Variants in FAM184A observed in about 807,000 individuals in gnomAD.
The protein encoded by FAM184A is protein FAM184A.
Under a neutral mutation model 143.8 loss-of-function variants are expected in FAM184A, and 99 were observed. That is an observed-to-expected ratio of 0.69 (90% CI 0.58 to 0.81). The LOEUF (loss-of-function observed/expected upper bound fraction) is 0.81. Ranked by LOEUF, FAM184A falls within the 40% of genes least tolerant of loss-of-function variation. The probability of loss-of-function intolerance (pLI) is 0.00; values close to 1 mark genes in which losing one functional copy is unlikely to be tolerated. For synonymous variants in FAM184A, 427 were observed against 446.4 expected (o/e 0.96, Z 0.55); for missense variants, 1,217 against 1,310.5 (o/e 0.93, Z 1.10).
intron 5 of FAM184A, 56 bp downstream of exon 5, chr6:119,016,691 C>T (rs555493751): frequency 2.0e-6 from 3 of 1,472,332 alleles, no homozygotes; most frequent in East Asian, 2.3e-5. Flanking sequence ...TCCGGACACA[C>T]TACTACAGAA....
chr6:119,050,982 G>T lies in FAM184A; in HGVS notation c.160-26169C>A, dbSNP rs182398212. Reference sequence around the variant, plus strand: ...ATGAACACAAAGAAGGGAACGCTGGGGCCTACCTGAGAGTGGAGGGTGGGA... The same window carrying T: ...ATGAACACAAAGAAGGGAACGCTGGTGCCTACCTGAGAGTGGAGGGTGGGA... On this transcript the variant is annotated intron_variant, in intron 1 of 17. Coordinates refer to ENST00000338891, the MANE Select transcript of FAM184A (RefSeq NM_024581.6). Among the ~76,000 whole-genome samples the T allele has an allele frequency of 5.6e-3, 850 of 152,182 alleles. 4 individuals are homozygous for T. The highest frequency in any genetic ancestry group is 7.6e-3 in the Non-Finnish European group (514 of 67,990).
chr6:119,058,252 T>C (rs1204733454), intron 1 of FAM184A, among the ~76,000 whole-genome samples: 1 of 148,574 alleles, frequency 6.7e-6, no homozygotes, highest in Non-Finnish European at 1.5e-5. Flanking sequence ...GGCGTGATCT[T>C]GGCTCACTGC....
chr6:118,997,878 A>G (rs144664373), intron 9 of FAM184A, among the ~76,000 whole-genome samples: 3 of 152,310 alleles, frequency 2.0e-5, no homozygotes, highest in African/African-American at 7.2e-5. Context: ...AAGAAAGGAT[A>G]CTTACTATCA....
chr6:119,040,774 A>T (rs1265334349), intron 1 of FAM184A, among the ~76,000 whole-genome samples: 1 of 152,094 alleles, frequency 6.6e-6, no homozygotes, highest in Non-Finnish European at 1.5e-5. Context: ...CTGCTTGTCC[A>T]CCTGCACAGA....
At chr6:118,986,523 T>C (rs1784201765) in intron 9 of FAM184A, among the ~76,000 whole-genome samples, 1 of 152,202 alleles carries the variant, frequency 6.6e-6, no homozygotes, top group African/African-American at 2.4e-5. Flanking sequence ...CATGTTTTGC[T>C]GTGGATGATG....
At chr6:119,047,287 T>C (rs1396129233) in intron 1 of FAM184A, among the ~76,000 whole-genome samples, 5 of 152,172 alleles carry the variant, frequency 3.3e-5, no homozygotes, top group Non-Finnish European at 7.4e-5. Context: ...GATGGGAATG[T>C]AAATGAGTAC....
chr6:119,081,717 G>C (rs1364528700), upstream of FAM184A, among the ~76,000 whole-genome samples: 7 of 152,212 alleles, frequency 4.6e-5, no homozygotes, highest in Non-Finnish European at 7.3e-5. Flanking sequence ...TTCCCCTGGA[G>C]TTGGGCCACT....
rs2114581554 is a variant in FAM184A, at chr6:118,980,168, A to G, written c.2271T>C (p.Thr757=). The G allele has an allele frequency of 1.2e-6, 2 of 1,614,118 alleles. No homozygotes were observed. Among genetic ancestry groups the G allele is most frequent in the African/African-American group, 2.7e-5 (2 of 75,046 alleles). The change falls in exon 10 of 18, where the codon ACT becomes ACC. Residue 757 remains threonine, a synonymous_variant. Coordinates refer to ENST00000338891, the MANE Select transcript of FAM184A (RefSeq NM_024581.6). ...LKEAHVLAFQ[T]MEEEKEKEQR... is the part of the protein sequence containing the mutation. ...GCTCCTTTTCCTTTTCCTCTTCCAT[A>G]GTTTGAAATGCAAGGACATGTGCTT...
intron 4 of FAM184A, among the ~76,000 whole-genome samples, chr6:119,018,201 T>C (rs1785329792): frequency 6.6e-6 from 1 of 152,110 alleles, no homozygotes; most frequent in African/African-American, 2.4e-5. Context: ...CGTGTGCATG[T>C]GTGTGTGTGT....
At position 118,960,044 on chromosome 6, in the gene FAM184A, T is replaced by G; in HGVS notation, c.*59A>C. 3.0e-6 allele frequency: 4 copies of G among 1,352,382 alleles called. No homozygotes were observed. The highest frequency in any genetic ancestry group is 4.1e-6 in the Non-Finnish European group (4 of 968,226). The allele number at this position is 1,352,382 out of a possible 1,614,324, so 83.8% of individuals were successfully genotyped here. A position where few individuals can be genotyped will look rare whatever the true frequency, so the allele number is the denominator to read the frequency against. ...ATAGGAAAGCCTATTTACATAACAA[T>G]CTGTATAAAGTCATGCTCTTAGTAA... On this transcript the variant is annotated 3_prime_UTR_variant, in exon 18 of 18. Transcript: ENST00000338891.
At chr6:118,994,818 C>G (rs1279065232) in intron 9 of FAM184A, among the ~76,000 whole-genome samples, 1 of 152,138 alleles carries the variant, frequency 6.6e-6, no homozygotes, top group African/African-American at 2.4e-5. Flanking sequence ...ACCCAGAAGA[C>G]TAATTATAAT....
At chr6:118,994,252 T>C (rs1784470381) in intron 9 of FAM184A, among the ~76,000 whole-genome samples, 1 of 152,118 alleles carries the variant, frequency 6.6e-6, no homozygotes, top group African/African-American at 2.4e-5. Context: ...GGCACTTCAT[T>C]TTGACTGAAT....
At chr6:118,997,201 G>C (rs1285297875) in intron 9 of FAM184A, among the ~76,000 whole-genome samples, 1 of 150,910 alleles carries the variant, frequency 6.6e-6, no homozygotes, top group Admixed American at 6.6e-5. Context: ...GGGAGTTCAA[G>C]AACAGCCTGG....
At chr6:118,981,507 T>C (rs1357807374) in intron 9 of FAM184A, among the ~76,000 whole-genome samples, 2 of 152,256 alleles carry the variant, frequency 1.3e-5, no homozygotes, top group South Asian at 2.1e-4. Flanking sequence ...TTTTAATTGA[T>C]GGAAGGCAGA....
At chr6:119,138,568 C>T (rs1772099578) in intron 1 of FAM184A, among the ~76,000 whole-genome samples, 2 of 152,110 alleles carry the variant, frequency 1.3e-5, no homozygotes, top group East Asian at 1.9e-4. Context: ...CACTCTGACA[C>T]ACTCTCTCCT....
chr6:119,118,038 G>A (rs1009460389), intron 1 of FAM184A, among the ~76,000 whole-genome samples: 7 of 152,176 alleles, frequency 4.6e-5, no homozygotes, highest in South Asian at 4.1e-4. Flanking sequence ...AGATTTTAAG[G>A]CAGAAACTTT....
chr6:119,001,870 G>A (rs1034607728), intron 9 of FAM184A, among the ~76,000 whole-genome samples: 1 of 152,152 alleles, frequency 6.6e-6, no homozygotes, highest in Non-Finnish European at 1.5e-5. Flanking sequence ...TAAAAGGAAT[G>A]TAAAATAAGT....
In FAM184A at chr6:118,975,907, TCTTA is replaced by T. The variant is rs1236185640; in HGVS notation, c.2583+6_2583+9del. 1.9e-6 allele frequency: 3 copies of T among 1,610,096 alleles called. No individual in the cohort carries two copies. Among genetic ancestry groups the T allele is most frequent in the Non-Finnish European group, 2.5e-6 (3 of 1,178,920 alleles). ...AAGAAATCATCAGAGTACAGAATAC[TCTTA>T]CTTACCTGTCTTCTGCTGATGTCTA... On this transcript the variant is annotated splice_donor_region_variant and intron_variant, in intron 12 of 17. Transcript: ENST00000338891.
At chr6:119,038,745 T>C (rs1221121984) in intron 1 of FAM184A, among the ~76,000 whole-genome samples, 1 of 152,174 alleles carries the variant, frequency 6.6e-6, no homozygotes, top group African/African-American at 2.4e-5. Context: ...CGCTTTGCAC[T>C]ACGGACCGGC....
Sources: gnomAD v4.1 joint callset for allele counts (sites outside exome capture counted in the v4.1 genomes callset) on GRCh38, gnomAD v4.1.1 for gene constraint, MANE v1.5 for transcripts, NCBI Gene and HGNC (gene_info 2026-07-23, HGNC 2026-07-21) for gene names.